NEK5: variants seen among roughly 807,000 people sequenced by gnomAD.
The protein encoded by NEK5 is serine/threonine-protein kinase Nek5.
In NEK5, 88 loss-of-function variants were observed where a neutral mutation model predicts 109.2. The ratio of observed to expected loss-of-function variants is 0.81; its 90% confidence interval spans 0.68 to 0.96. NEK5 has a LOEUF of 0.96. Among genes scored for constraint, NEK5 ranks in the 40% least tolerant of loss-of-function variants. The pLI is 0.00. For missense variants in NEK5, 834 were observed against 920.7 expected (o/e 0.91, Z 1.22); for synonymous variants, 283 against 299.9 (o/e 0.94, Z 0.58).
intron 14 of NEK5, among the ~76,000 whole-genome samples, 154 bp downstream of exon 14, chr13:52,089,093 A>AAACAACAAC (rs147701822): frequency 0.55 from 83,458 of 150,780 alleles, 24,117 homozygotes; most frequent in African/African-American, 0.73. Context: ...CTGTCTCAGA[A>AAACAACAAC]AACAACAACA....
At chr13:52,048,608 T>C (rs1477307717) in intron 23 of NEK5, among the ~76,000 whole-genome samples, 3 of 152,150 alleles carry the variant, frequency 2.0e-5, no homozygotes, top group African/African-American at 7.2e-5. Flanking sequence ...AAAGAAAATG[T>C]GGTGTATATA....
intron 17 of NEK5, 34 bp downstream of exon 17, chr13:52,083,226 G>A (rs535639506): frequency 2.1e-6 from 3 of 1,419,618 alleles, no homozygotes; most frequent in Non-Finnish European, 3.0e-6. Context: ...CACACACACT[G>A]CAAGCACACA....
chr13:52,061,487 A>T (rs1358224453), intron 22 of NEK5, among the ~76,000 whole-genome samples: 1 of 152,232 alleles, frequency 6.6e-6, no homozygotes, highest in Non-Finnish European at 1.5e-5. Context: ...TAGTAATTTG[A>T]GTCCACTGAA....
chr13:52,086,637 T>A (rs1955149135), intron 15 of NEK5, among the ~76,000 whole-genome samples: 1 of 152,210 alleles, frequency 6.6e-6, no homozygotes, highest in African/African-American at 2.4e-5. Flanking sequence ...TATATAACCC[T>A]CTTATGCACT....
At chr13:52,066,894 T>C (rs1954700216) in intron 20 of NEK5, among the ~76,000 whole-genome samples, 1 of 152,198 alleles carries the variant, frequency 6.6e-6, no homozygotes, top group South Asian at 2.1e-4. Context: ...ATTTATTTTG[T>C]TGTATCATAT....
chr13:52,119,332 G>A lies in NEK5; in HGVS notation c.201C>T (p.Phe67=). 6.3e-7 allele frequency: 1 copy of A among 1,577,854 alleles called. No homozygotes were observed. The change falls in exon 4 of 24, where the codon TTC becomes TTT. Residue 67 remains phenylalanine (F), a synonymous_variant. Coordinates refer to ENST00000684899, the MANE Select transcript of NEK5 (RefSeq NM_001365552.1). ...KMKHPNIVAF[F]NSFQENGRLF... is the part of the protein sequence containing the mutation. ...AGAAAATCAAACCTTGAAATGAATT[G>A]AAGAAGGCTACAATGTTGGGATGTT...
intron 17 of NEK5, among the ~76,000 whole-genome samples, chr13:52,076,491 A>G (rs1246410809): frequency 2.0e-5 from 3 of 152,210 alleles, no homozygotes; most frequent in Admixed American, 6.5e-5. Flanking sequence ...TCATGACGGT[A>G]TAAAGGAAGG....
At position 52,089,282 on chromosome 13, in the gene NEK5, C is replaced by T; in HGVS notation, c.1240G>A (p.Ala414Thr). ...PAEYLQRKFE[A>T]QQYKLKVEKQ... is the part of the protein sequence containing the mutation. ...TCCACTTTCAACTTATATTGTTGAG[C>T]TTCAAATTTTCTCTGAAGGTACTCA... Residue 414 changes from alanine (A) to threonine (T), a missense_variant, in exon 14 of 24, where the codon GCT (alanine) becomes ACT (threonine). This residue lies in a region of NEK5 where 777 missense variants were observed against 824.7 expected (regional missense o/e 0.94). Coordinates refer to ENST00000684899, the MANE Select transcript of NEK5 (RefSeq NM_001365552.1). 6.2e-7 allele frequency: 1 copy of T among 1,609,332 alleles called. No individual in the cohort carries two copies. Among genetic ancestry groups the T allele is most frequent in the South Asian group, 1.1e-5 (1 of 90,822 alleles).
intron 23 of NEK5, among the ~76,000 whole-genome samples, chr13:52,040,642 C>A (rs1015693667): frequency 6.6e-6 from 1 of 152,056 alleles, no homozygotes. Flanking sequence ...ATGATCTAAT[C>A]AGCATTTGTT....
At chr13:52,088,875 G>A (rs534614203) in intron 14 of NEK5, among the ~76,000 whole-genome samples, 2 of 151,868 alleles carry the variant, frequency 1.3e-5, no homozygotes, top group East Asian at 2.0e-4. Flanking sequence ...TGGATCACCC[G>A]AGATCAGGAG....
chr13:52,051,090 G>C (rs1773311163), intron 22 of NEK5, among the ~76,000 whole-genome samples: 2 of 150,402 alleles, frequency 1.3e-5, no homozygotes, highest in African/African-American at 4.9e-5. Context: ...ACTCTGGTCA[G>C]AAGTCAGGTT....
intron 12 of NEK5, among the ~76,000 whole-genome samples, chr13:52,099,140 A>G (rs1955477412): frequency 6.6e-6 from 1 of 152,222 alleles, no homozygotes; most frequent in Non-Finnish European, 1.5e-5. Flanking sequence ...TGCTTATTTC[A>G]CATTGCTTGC....
intron 13 of NEK5, among the ~76,000 whole-genome samples, chr13:52,092,205 A>G (rs1214854719): frequency 6.6e-6 from 1 of 151,028 alleles, no homozygotes; most frequent in Non-Finnish European, 1.5e-5. Context: ...GTAATAATCT[A>G]TCAACACATT....
chr13:52,122,891 T>C (rs1380614189), intron 3 of NEK5, among the ~76,000 whole-genome samples: 3 of 152,258 alleles, frequency 2.0e-5, no homozygotes, highest in Non-Finnish European at 4.4e-5. Flanking sequence ...AGAGGTTATA[T>C]GCTATTTTTA....
intron 17 of NEK5, among the ~76,000 whole-genome samples, chr13:52,080,542 T>C (rs1954984341): frequency 6.6e-6 from 1 of 152,260 alleles, no homozygotes. Flanking sequence ...TTTTGTTCTA[T>C]AGTAAGAAAA....
chr13:52,110,729 G>A, intron 5 of NEK5, 152 bp from the exon 6 acceptor site: 1 of 488,480 alleles, frequency 2.0e-6, no homozygotes, highest in Non-Finnish European at 3.6e-6. Flanking sequence ...GAAGTTAATA[G>A]GTACACTTTA....
intron 20 of NEK5, among the ~76,000 whole-genome samples, chr13:52,071,620 C>A (rs980606580): frequency 1.3e-5 from 2 of 152,206 alleles, no homozygotes; most frequent in African/African-American, 4.8e-5. Flanking sequence ...CTTGACTTTA[C>A]ACAGCTGAGT....
At chr13:52,120,877 A>T (rs1594006333) in intron 3 of NEK5, among the ~76,000 whole-genome samples, 1 of 150,836 alleles carries the variant, frequency 6.6e-6, no homozygotes, top group Admixed American at 6.7e-5. Context: ...ACACCACTGC[A>T]CTCCAGCCTG....
chr13:52,127,538 G>T, intron 2 of NEK5, 34 bp from the exon 3 acceptor site: 1 of 940,804 alleles, frequency 1.1e-6, no homozygotes, highest in Non-Finnish European at 1.7e-6. Flanking sequence ...TATCACACAC[G>T]TCTCATAAAG....
Sources: allele counts gnomAD v4.1 joint callset (sites outside exome capture counted in the v4.1 genomes callset), GRCh38; gene constraint gnomAD v4.1.1; regional missense constraint gnomAD v4.1.1; transcripts MANE v1.5; gene names NCBI Gene and HGNC (gene_info 2026-07-23, HGNC 2026-07-21).